The following BMPER variants were observed in gnomAD, a reference collection of about 807,000 sequenced individuals.
The protein encoded by BMPER is BMP binding endothelial regulator, also known as BMP-binding endothelial regulator protein.
In BMPER, 45 loss-of-function variants were observed where a neutral mutation model predicts 87.3. The ratio of observed to expected loss-of-function variants is 0.52; its 90% confidence interval spans 0.41 to 0.66. The LOEUF (loss-of-function observed/expected upper bound fraction) is 0.66, where lower values mean the gene tolerates loss of function less well. Among genes scored for constraint, BMPER ranks in the 30% least tolerant of loss-of-function variants. The probability of loss-of-function intolerance (pLI) is 0.00; values close to 1 mark genes in which losing one functional copy is unlikely to be tolerated. For synonymous variants in BMPER, 326 were observed against 316.2 expected, an observed-to-expected ratio of 1.03 and a Z score of -0.33; for missense variants, 784 against 867.5, an observed-to-expected ratio of 0.90 and a Z score of 1.21.
intron 8 of BMPER, among the ~76,000 whole-genome samples, chr7:34,052,425 G>T (rs536787166): frequency 6.6e-6 from 1 of 152,180 alleles, no homozygotes; most frequent in Non-Finnish European, 1.5e-5. Context: ...ATTGTATCAT[G>T]TCTTATTTGA....
intron 3 of BMPER, among the ~76,000 whole-genome samples, chr7:33,938,067 T>C (rs1363261615): frequency 1.3e-5 from 2 of 152,198 alleles, no homozygotes; most frequent in East Asian, 3.9e-4. Flanking sequence ...CCCCTTTAGA[T>C]TTCTATGGCC....
At chr7:33,928,825 G>C (rs1015875855) in intron 2 of BMPER, among the ~76,000 whole-genome samples, 2 of 151,968 alleles carry the variant, frequency 1.3e-5, no homozygotes, top group Admixed American at 1.3e-4. Context: ...CAAGGTATAG[G>C]ATCAGGAGAA....
chr7:33,974,285 A>G lies in BMPER; in HGVS notation c.494-417A>G, dbSNP rs187009026. Among the ~76,000 whole-genome samples, 805 of 152,068 alleles carry G rather than the reference A, an allele frequency of 5.3e-3. 5 individuals are homozygous for G. The highest frequency in any genetic ancestry group is 0.019 in the African/African-American group (770 of 41,470). On this transcript the variant is annotated intron_variant, in intron 5 of 14. Transcript: ENST00000649409. ...GATAGAGGCTGTGCCCTTCTTAGGT[A>G]CTCATTGAATGGGGCCCCTGGTGTC...
intron 2 of BMPER, among the ~76,000 whole-genome samples, chr7:33,930,520 C>T (rs1278651305): frequency 6.6e-6 from 1 of 152,160 alleles, no homozygotes; most frequent in Non-Finnish European, 1.5e-5. Context: ...CAGGCTGGAG[C>T]AGGTATAAGC....
chr7:33,981,737 G>A (rs1785867901), intron 6 of BMPER, among the ~76,000 whole-genome samples: 1 of 152,128 alleles, frequency 6.6e-6, no homozygotes, highest in Non-Finnish European at 1.5e-5. Flanking sequence ...CAAACATTTA[G>A]TCTTTACCAA....
At position 34,113,431 on chromosome 7, in the gene BMPER, A is replaced by G. The variant is rs149016178; in HGVS notation, c.1745+27339A>G. On this transcript the variant is annotated intron_variant, in intron 13 of 14. Coordinates refer to ENST00000649409, the MANE Select transcript of BMPER (RefSeq NM_001365308.1). Reference sequence around the variant, plus strand: ...TGACTTGCCCCTAGATTAAATAAAAAATACACATAAATTTTCTTCAAGTTA... The same window carrying G: ...TGACTTGCCCCTAGATTAAATAAAAGATACACATAAATTTTCTTCAAGTTA... 2.0e-3 allele frequency among the ~76,000 whole-genome samples: 307 copies of G among 151,914 alleles called. 1 individual carries two copies. The highest frequency in any genetic ancestry group is 6.9e-3 in the African/African-American group (285 of 41,476).
chr7:33,968,663 T>C (rs1585687984), intron 4 of BMPER, among the ~76,000 whole-genome samples: 1 of 152,198 alleles, frequency 6.6e-6, no homozygotes, highest in African/African-American at 2.4e-5. Context: ...AAAATGCTTC[T>C]GGTAGAGCGC....
intron 11 of BMPER, among the ~76,000 whole-genome samples, chr7:34,077,061 C>T (rs1306545717): frequency 6.6e-6 from 1 of 152,182 alleles, no homozygotes; most frequent in African/African-American, 2.4e-5. Flanking sequence ...GTTGGTATTA[C>T]TTCCGAACTG....
intron 3 of BMPER, among the ~76,000 whole-genome samples, chr7:33,959,725 C>G (rs953677063): frequency 6.6e-6 from 1 of 152,124 alleles, no homozygotes; most frequent in African/African-American, 2.4e-5. Flanking sequence ...ATTTTATTGA[C>G]TAGAATCCCA....
chr7:34,112,221 G>A (rs927031045), intron 13 of BMPER, among the ~76,000 whole-genome samples: 10 of 151,972 alleles, frequency 6.6e-5, no homozygotes, highest in Admixed American at 2.0e-4. Context: ...AAGGCCAGGC[G>A]CGGTGGCTCA....
intron 6 of BMPER, among the ~76,000 whole-genome samples, chr7:33,986,880 C>T (rs1396634973): frequency 1.3e-5 from 2 of 152,064 alleles, no homozygotes; most frequent in Non-Finnish European, 1.5e-5. Context: ...ATTTAAAAAA[C>T]CAGTTTGGTA....
chr7:34,129,644 G>GAAAGA (rs1554322744), intron 13 of BMPER, among the ~76,000 whole-genome samples: 4 of 149,510 alleles, frequency 2.7e-5, no homozygotes, highest in African/African-American at 9.9e-5. Context: ...AAGAAAGAAA[G>GAAAGA]AAAGAAAGAA....
chr7:34,006,427 A>G (rs1276158466), intron 6 of BMPER, among the ~76,000 whole-genome samples: 5 of 152,088 alleles, frequency 3.3e-5, no homozygotes, highest in Admixed American at 3.3e-4. Context: ...GAAAGGAAAC[A>G]CCTTCCTAAA....
intron 2 of BMPER, among the ~76,000 whole-genome samples, chr7:33,936,562 G>C (rs1314856385): frequency 6.6e-6 from 1 of 152,098 alleles, no homozygotes; most frequent in Non-Finnish European, 1.5e-5. Flanking sequence ...CAGTATTTTT[G>C]GTTCAGGTGC....
intron 13 of BMPER, among the ~76,000 whole-genome samples, chr7:34,112,896 T>C (rs1790018443): frequency 6.6e-6 from 1 of 152,118 alleles, no homozygotes; most frequent in African/African-American, 2.4e-5. Context: ...TTTAAGGTGA[T>C]TCTAAGTATC....
intron 3 of BMPER, among the ~76,000 whole-genome samples, chr7:33,938,183 G>A (rs182736215): frequency 1.3e-5 from 2 of 152,150 alleles, no homozygotes; most frequent in East Asian, 1.9e-4. Context: ...TGTCAATAGC[G>A]CTTCACAGTG....
chr7:33,907,658 C>T (rs1007031720), intron 2 of BMPER, among the ~76,000 whole-genome samples: 1 of 152,148 alleles, frequency 6.6e-6, no homozygotes, highest in African/African-American at 2.4e-5. Context: ...GAAATATAGA[C>T]CTACAAGGTA....
At chr7:33,941,706 G>A (rs898543408) in intron 3 of BMPER, among the ~76,000 whole-genome samples, 3 of 152,158 alleles carry the variant, frequency 2.0e-5, no homozygotes, top group Admixed American at 6.5e-5. Flanking sequence ...GAGCTCAGGC[G>A]GTGATGTGAG....
At chr7:33,923,577 G>A (rs1254429316) in intron 2 of BMPER, among the ~76,000 whole-genome samples, 1 of 152,184 alleles carries the variant, frequency 6.6e-6, no homozygotes, top group Non-Finnish European at 1.5e-5. Flanking sequence ...GCCTCAAATA[G>A]TGGGTAGCAA....
Sources: allele counts gnomAD v4.1 joint callset (sites outside exome capture counted in the v4.1 genomes callset), GRCh38; gene constraint gnomAD v4.1.1; transcripts MANE v1.5; gene names NCBI Gene and HGNC (gene_info 2026-07-23, HGNC 2026-07-21).